The following CPXM2 variants were observed in gnomAD, a reference collection of about 807,000 sequenced individuals.
The protein encoded by CPXM2 is carboxypeptidase X, M14 family member 2.
CPXM2 carries 66 observed loss-of-function variants against 86.1 expected under a neutral mutation model. The ratio of observed to expected loss-of-function variants is 0.77; its 90% CI spans 0.63 to 0.94. The LOEUF is 0.94. Among genes scored for constraint, CPXM2 ranks in the 40% least tolerant of loss-of-function variants. The probability of loss-of-function intolerance (pLI) is 0.00; values close to 1 mark genes in which losing one functional copy is unlikely to be tolerated. For synonymous variants in CPXM2, 388 were observed against 400.2 expected (o/e 0.97, Z 0.36); for missense variants, 948 against 1,026.3 (o/e 0.92, Z 1.04).
intron 4 of CPXM2, among the ~76,000 whole-genome samples, chr10:123,831,629 T>C (rs111606104): frequency 2.4e-4 from 37 of 152,228 alleles, no homozygotes; most frequent in African/African-American, 8.4e-4. Flanking sequence ...AGAGTCCCTG[T>C]TCTTGCCTTT....
intron 2 of CPXM2, among the ~76,000 whole-genome samples, chr10:123,874,576 A>T (rs1944949928): frequency 6.6e-6 from 1 of 152,172 alleles, no homozygotes; most frequent in Admixed American, 6.5e-5. Context: ...TTTAAGTGCC[A>T]ATTTTTTTTT....
intron 2 of CPXM2, 66 bp downstream of exon 2, chr10:123,880,145 T>TTGGCCCCCCC: frequency 2.5e-6 from 1 of 407,580 alleles, no homozygotes. Context: ...CAGGGGCCTG[T>TTGGCCCCCCC]ACCCACCCAC....
chr10:123,763,162 C>T (rs11248275), intron 10 of CPXM2, among the ~76,000 whole-genome samples: 9,740 of 152,242 alleles, frequency 0.064, 319 homozygotes, highest in South Asian at 0.12. Context: ...ACCTCAGCCT[C>T]CTGACTAGCT....
chr10:123,853,957 T>C (rs2134177244), intron 3 of CPXM2, among the ~76,000 whole-genome samples: 1 of 152,090 alleles, frequency 6.6e-6, no homozygotes, highest in African/African-American at 2.4e-5. Context: ...CTTTCCCTCC[T>C]CCTCTCCTTT....
At chr10:123,812,293 G>T (rs2134094639) in intron 4 of CPXM2, among the ~76,000 whole-genome samples, 1 of 152,324 alleles carries the variant, frequency 6.6e-6, no homozygotes, top group East Asian at 1.9e-4. Flanking sequence ...CAACATGGAT[G>T]ATCCTGTGAA....
intron 6 of CPXM2, among the ~76,000 whole-genome samples, chr10:123,797,257 A>T (rs938374359): frequency 1.3e-5 from 2 of 152,228 alleles, no homozygotes; most frequent in Non-Finnish European, 2.9e-5. Flanking sequence ...AATGGTTTAG[A>T]ATGAACTTCT....
intron 2 of CPXM2, among the ~76,000 whole-genome samples, chr10:123,863,093 G>A (rs1590078444): frequency 6.6e-6 from 1 of 152,162 alleles, no homozygotes; most frequent in African/African-American, 2.4e-5. Flanking sequence ...TATTGTGCAT[G>A]CTAATGAGCA....
intron 3 of CPXM2, among the ~76,000 whole-genome samples, chr10:123,854,175 C>T (rs923889635): frequency 7.3e-5 from 11 of 150,276 alleles, no homozygotes; most frequent in Admixed American, 2.0e-4. Context: ...GACTGCTGAA[C>T]GCACACACAG....
At chr10:123,799,243 G>A in intron 4 of CPXM2, 44 bp from the exon 5 acceptor site, 1 of 1,609,418 alleles carries the variant, frequency 6.2e-7, no homozygotes, top group East Asian at 2.2e-5. Flanking sequence ...ACTTTAAAAT[G>A]TTTGTTCTTC....
chr10:123,931,930 C>T (rs79411229), intron 2 of CPXM2, among the ~76,000 whole-genome samples: 1 of 152,056 alleles, frequency 6.6e-6, no homozygotes, highest in Non-Finnish European at 1.5e-5. Context: ...CACATGAGAA[C>T]TATGGATGCT....
chr10:123,790,721 A>G (rs1219718), intron 6 of CPXM2, among the ~76,000 whole-genome samples: 131,331 of 152,068 alleles, frequency 0.86, 56,930 homozygotes, highest in East Asian at 0.99. Flanking sequence ...CATCGTGCCA[A>G]GAGAGACGGG....
At position 123,780,248 on chromosome 10, in the gene CPXM2, A is replaced by G; in HGVS notation, c.897T>C (p.Asn299=). The G allele has an allele frequency of 6.3e-7, 1 of 1,597,180 alleles. No homozygotes were observed. Among genetic ancestry groups the G allele is most frequent in the Non-Finnish European group, 8.6e-7 (1 of 1,164,588 alleles). The change falls in exon 7 of 14, where the codon AAT becomes AAC. Residue 299 remains asparagine, a synonymous_variant. Transcript: ENST00000241305. ...TCTCGTTCCGGCGGTGATAATAATT[A>G]TTAGGATCTAGGGACAGAAACATGA... ...EILGCPLPDP[N]NYYHRRNEMT...
At chr10:123,846,133 G>A (rs1848489549) in intron 3 of CPXM2, among the ~76,000 whole-genome samples, 1 of 152,148 alleles carries the variant, frequency 6.6e-6, no homozygotes, top group Non-Finnish European at 1.5e-5. Context: ...CTGGGGGTGG[G>A]GGATGGTTTT....
chr10:123,905,868 C>G (rs578159731), intron 2 of CPXM2, among the ~76,000 whole-genome samples: 1 of 152,178 alleles, frequency 6.6e-6, no homozygotes, highest in Non-Finnish European at 1.5e-5. Flanking sequence ...CCATCTCCCC[C>G]TCAGGAGACA....
At position 123,875,932 on chromosome 10, in the gene CPXM2, T is replaced by TCAG. The variant is rs948059716; in HGVS notation, c.403+4276_403+4278dup. ...CCTGGGTTCAAGCAATTCTCCTCTC[T>TCAG]CAGCCTCCCAAGCATCTGGGATTAC... On this transcript the variant is annotated intron_variant, in intron 2 of 13. Coordinates refer to ENST00000241305, the MANE Select transcript of CPXM2 (RefSeq NM_198148.3). 4.6e-4 allele frequency among the ~76,000 whole-genome samples: 68 copies of TCAG among 148,310 alleles called. 1 individual carries two copies. The South Asian group carries it at 5.9e-3, about 13-fold the overall frequency.
chr10:123,778,784 A>G (rs1270455150), intron 7 of CPXM2, among the ~76,000 whole-genome samples: 1 of 152,212 alleles, frequency 6.6e-6, no homozygotes, highest in Non-Finnish European at 1.5e-5. Flanking sequence ...TGCTCCATAA[A>G]ATGGAATGGC....
At chr10:123,833,408 C>T (rs1052684969) in intron 4 of CPXM2, among the ~76,000 whole-genome samples, 3 of 152,222 alleles carry the variant, frequency 2.0e-5, no homozygotes, top group Non-Finnish European at 4.4e-5. Context: ...TTCTTAGCTG[C>T]AACATAATTC....
intron 2 of CPXM2, among the ~76,000 whole-genome samples, chr10:123,925,069 G>A (rs910924637): frequency 6.6e-6 from 1 of 151,914 alleles, no homozygotes; most frequent in Admixed American, 6.6e-5. Context: ...TATGATTTAG[G>A]GGTAAAGTGT....
intron 10 of CPXM2, among the ~76,000 whole-genome samples, chr10:123,766,672 G>A (rs145146321): frequency 5.3e-5 from 8 of 152,248 alleles, no homozygotes; most frequent in Non-Finnish European, 1.0e-4. Flanking sequence ...TAATATAACC[G>A]ACAGTGAGAA....
Sources: gnomAD v4.1 joint callset for allele counts (sites outside exome capture counted in the v4.1 genomes callset) on GRCh38, gnomAD v4.1.1 for gene constraint, MANE v1.5 for transcripts, NCBI Gene and HGNC (gene_info 2026-07-23, HGNC 2026-07-21) for gene names.